RIN2: variants seen among roughly 807,000 people sequenced by gnomAD.
RIN2 encodes RAB5 interacting protein 2.
A neutral mutation model predicts 78.0 loss-of-function variants in RIN2; 36 were observed. The observed-to-expected ratio is 0.46, with a 90% confidence interval of 0.35 to 0.61. The LOEUF (loss-of-function observed/expected upper bound fraction) is 0.61. Among genes scored for constraint, RIN2 ranks in the 20% least tolerant of loss-of-function variants. The pLI, the probability that RIN2 is intolerant of heterozygous loss-of-function variation, is 0.00. For missense variants in RIN2, 1,087 were observed against 1,159.7 expected, an observed-to-expected ratio of 0.94 and a Z score of 0.91; for synonymous variants, 466 against 466.8, an observed-to-expected ratio of 1.00 and a Z score of 0.02.
intron 1 of RIN2, among the ~76,000 whole-genome samples, chr20:19,773,079 C>T (rs1476571109): frequency 1.3e-5 from 2 of 152,178 alleles, no homozygotes; most frequent in Non-Finnish European, 2.9e-5. Context: ...CTCCCTCTGA[C>T]GGTGGTAGGG....
chr20:19,891,498 T>C (rs932699694), intron 3 of RIN2, among the ~76,000 whole-genome samples: 2 of 152,154 alleles, frequency 1.3e-5, no homozygotes, highest in Non-Finnish European at 2.9e-5. Context: ...TCTTACATAG[T>C]AGTTAGATTT....
intron 2 of RIN2, among the ~76,000 whole-genome samples, chr20:19,883,902 A>G (rs1283647632): frequency 6.6e-6 from 1 of 152,028 alleles, no homozygotes; most frequent in Non-Finnish European, 1.5e-5. Flanking sequence ...AAAAAAAAAA[A>G]AAAGGTTACT....
chr20:19,943,934 A>C (rs1270899953), intron 4 of RIN2, among the ~76,000 whole-genome samples: 2 of 149,368 alleles, frequency 1.3e-5, no homozygotes, highest in African/African-American at 4.9e-5. Flanking sequence ...CTCCAGACTA[A>C]TAGAATATTA....
At chr20:19,822,651 TACACAC>T (rs11468740) in intron 2 of RIN2, among the ~76,000 whole-genome samples, 2 of 151,160 alleles carry the variant, frequency 1.3e-5, no homozygotes, top group Non-Finnish European at 2.9e-5. Context: ...GAGAGCAAAA[TACACAC>T]ACACACACAC....
chr20:19,939,928 A>G (rs2040798122), intron 4 of RIN2, among the ~76,000 whole-genome samples: 1 of 150,604 alleles, frequency 6.6e-6, no homozygotes, highest in Non-Finnish European at 1.5e-5. Flanking sequence ...ATATTGGCTC[A>G]CTGCAACCTC....
chr20:19,965,797 A>G (rs1286565270), intron 7 of RIN2, among the ~76,000 whole-genome samples: 1 of 152,044 alleles, frequency 6.6e-6, no homozygotes, highest in Non-Finnish European at 1.5e-5. Context: ...TTTTTAGTAG[A>G]GACGGGTTTT....
At chr20:19,890,703 A>AAAAAAG (rs2038417742) in intron 3 of RIN2, among the ~76,000 whole-genome samples, 1 of 148,298 alleles carries the variant, frequency 6.7e-6, no homozygotes, top group Non-Finnish European at 1.5e-5. Context: ...AAAAAAAAAA[A>AAAAAAG]CCATCAGAAG....
chr20:19,936,854 G>A (rs1210024602), intron 4 of RIN2, among the ~76,000 whole-genome samples: 2 of 152,136 alleles, frequency 1.3e-5, no homozygotes, highest in Admixed American at 6.5e-5. Flanking sequence ...ATTTGCAAAG[G>A]CATTTTATTT....
At chr20:19,821,419 C>T (rs762570825) in intron 2 of RIN2, among the ~76,000 whole-genome samples, 3 of 152,094 alleles carry the variant, frequency 2.0e-5, no homozygotes, top group Admixed American at 6.5e-5. Flanking sequence ...ATTCCCCTAC[C>T]TGCTTGGCCA....
chr20:19,857,757 G>A (rs947974239), intron 2 of RIN2, among the ~76,000 whole-genome samples: 5 of 152,116 alleles, frequency 3.3e-5, no homozygotes, highest in Non-Finnish European at 7.3e-5. Flanking sequence ...AGACTGAGGT[G>A]GGAAGATTGC....
intron 11 of RIN2, among the ~76,000 whole-genome samples, chr20:19,995,102 C>T (rs1023991588): frequency 2.0e-5 from 3 of 152,062 alleles, no homozygotes; most frequent in Non-Finnish European, 2.9e-5. Context: ...TGCCATCTTG[C>T]ATATTGCCAC....
chr20:19,894,081 CA>C (rs1169832150), intron 3 of RIN2, among the ~76,000 whole-genome samples: 2 of 151,982 alleles, frequency 1.3e-5, no homozygotes, highest in African/African-American at 2.4e-5. Flanking sequence ...CAAAAAACAA[CA>C]AAAACAACAA....
rs142354399 is a variant in RIN2, at chr20:19,784,051, A to G, written c.-162-15571A>G. ...GAGACACTGACGGACACAGTGTGTC[A>G]GAGCAGGGCTGGCACGTGGCACCGG... On this transcript the variant is annotated intron_variant, in intron 1 of 12. Coordinates refer to ENST00000255006, the MANE Select transcript of RIN2 (RefSeq NM_018993.4). 3.9e-5 allele frequency among the ~76,000 whole-genome samples: 6 copies of G among 152,352 alleles called. No individual in the cohort carries two copies. The East Asian group carries it at 1.2e-3, about 29-fold the overall frequency.
At chr20:19,828,023 G>T (rs1228305545) in intron 2 of RIN2, among the ~76,000 whole-genome samples, 1 of 152,044 alleles carries the variant, frequency 6.6e-6, no homozygotes, top group African/African-American at 2.4e-5. Flanking sequence ...CTGCCCAGCT[G>T]TGAGTTCATT....
At chr20:19,936,399 G>A (rs745437505) in intron 4 of RIN2, among the ~76,000 whole-genome samples, 1 of 126,306 alleles carries the variant, frequency 7.9e-6, no homozygotes, top group Non-Finnish European at 1.8e-5. Flanking sequence ...AAACATCGTG[G>A]AACTTTAGCC....
chr20:19,808,316 G>A (rs1414012453), intron 2 of RIN2, among the ~76,000 whole-genome samples: 3 of 152,226 alleles, frequency 2.0e-5, no homozygotes, highest in Non-Finnish European at 2.9e-5. Flanking sequence ...CAGAGAGGCC[G>A]CCATGGCCCA....
intron 12 of RIN2, 149 bp from the exon 13 acceptor site, chr20:20,000,464 G>A: frequency 1.6e-6 from 1 of 620,142 alleles, no homozygotes; most frequent in Non-Finnish European, 2.8e-6. Context: ...CTCTTTCCTT[G>A]CCATTCGAAG....
intron 3 of RIN2, among the ~76,000 whole-genome samples, chr20:19,893,808 A>C (rs916144638): frequency 1.3e-5 from 2 of 152,190 alleles, no homozygotes; most frequent in Admixed American, 1.3e-4. Flanking sequence ...GCCATGGCTC[A>C]CACCTGTAAA....
At chr20:19,797,066 T>A (rs180713658) in intron 1 of RIN2, among the ~76,000 whole-genome samples, 1 of 152,340 alleles carries the variant, frequency 6.6e-6, no homozygotes, top group African/African-American at 2.4e-5. Flanking sequence ...ATTGGAATAA[T>A]TTGAATTGTG....
Sources: allele counts gnomAD v4.1 joint callset (sites outside exome capture counted in the v4.1 genomes callset), GRCh38; gene constraint gnomAD v4.1.1; transcripts MANE v1.5; gene names NCBI Gene and HGNC (gene_info 2026-07-23, HGNC 2026-07-21).